Variants in INSL6 observed in about 807,000 individuals in gnomAD.
INSL6 encodes insulin-like peptide INSL6.
A neutral mutation model predicts 9.4 loss-of-function variants in INSL6; 16 were observed. The observed-to-expected ratio is 1.70, with a 90% confidence interval of 1.15 to 2.59. The LOEUF (loss-of-function observed/expected upper bound fraction) is 2.59, where lower values mean the gene tolerates loss of function less well. Among genes scored for constraint, INSL6 ranks in the 30% most tolerant of loss-of-function variants. The probability of loss-of-function intolerance (pLI) is 0.00; values close to 1 mark genes in which losing one functional copy is unlikely to be tolerated. For missense variants in INSL6, 391 were observed against 257.3 expected, an observed-to-expected ratio of 1.52 and a Z score of -3.56; for synonymous variants, 154 against 96.9, an observed-to-expected ratio of 1.59 and a Z score of -3.46.
chr9:5,161,856 G>T (rs1008916576), downstream of INSL6, among the ~76,000 whole-genome samples: 4 of 151,944 alleles, frequency 2.6e-5, no homozygotes, highest in Non-Finnish European at 4.4e-5. Context: ...AAGGTGGGAG[G>T]ATCACTTGAG....
chr9:5,046,320 A>G, the INSL6 span, among the ~76,000 whole-genome samples: 1 of 152,184 alleles, frequency 6.6e-6, no homozygotes, highest in African/African-American at 2.4e-5. Context: ...TCCTTATAAG[A>G]TACATGATTT....
At chr9:5,142,710 C>A (rs1242040639) in intron 2 of INSL6, among the ~76,000 whole-genome samples, 3 of 152,186 alleles carry the variant, frequency 2.0e-5, no homozygotes, top group East Asian at 1.9e-4. Flanking sequence ...TGCCTGATCA[C>A]CCTGGCCAGA....
At chr9:5,155,999 T>C (rs1360480343) in intron 2 of INSL6, among the ~76,000 whole-genome samples, 1 of 152,042 alleles carries the variant, frequency 6.6e-6, no homozygotes. Context: ...AACCACACAT[T>C]ATCAAAATCA....
At chr9:5,050,888 C>T in the INSL6 span, 17 of 1,428,570 alleles carry the variant, frequency 1.2e-5, no homozygotes, top group South Asian at 3.6e-5. Context: ...TTATATAATT[C>T]GTATATATTT....
At chr9:5,082,327 C>A in the INSL6 span, among the ~76,000 whole-genome samples, 1 of 152,186 alleles carries the variant, frequency 6.6e-6, no homozygotes, top group Non-Finnish European at 1.5e-5. Flanking sequence ...CAAATAAGTT[C>A]AAGGGAAGGT....
the INSL6 span, among the ~76,000 whole-genome samples, chr9:5,026,674 C>G: frequency 6.6e-6 from 1 of 152,038 alleles, no homozygotes; most frequent in African/African-American, 2.4e-5. Context: ...CTTCTAAAGA[C>G]TTGTTTTGAG....
At chr9:5,042,162 G>A in the INSL6 span, among the ~76,000 whole-genome samples, 1 of 129,340 alleles carries the variant, frequency 7.7e-6, no homozygotes, top group African/African-American at 3.0e-5. Context: ...ACGGAGTCTC[G>A]CTTTGTCGCC....
At chr9:5,044,356 T>C in the INSL6 span, 1 of 1,159,200 alleles carries the variant, frequency 8.6e-7, no homozygotes, top group Non-Finnish European at 1.3e-6. Context: ...AGTACGTTTG[T>C]ATTTGAACTA....
chr9:5,106,175 A>G, the INSL6 span, among the ~76,000 whole-genome samples: 1 of 152,236 alleles, frequency 6.6e-6, no homozygotes, highest in African/African-American at 2.4e-5. Context: ...ACAAAGGGCT[A>G]ATATCCAAAA....
the INSL6 span, among the ~76,000 whole-genome samples, chr9:5,072,972 CA>C: frequency 6.6e-6 from 1 of 152,056 alleles, no homozygotes; most frequent in African/African-American, 2.4e-5. Flanking sequence ...AACAAAAAAC[CA>C]AGTTTCAAAG....
At chr9:5,142,703 C>T (rs1249465509) in intron 2 of INSL6, among the ~76,000 whole-genome samples, 2 of 152,072 alleles carry the variant, frequency 1.3e-5, no homozygotes, top group Non-Finnish European at 2.9e-5. Flanking sequence ...TTTTTCTTGC[C>T]TGATCACCCT....
At chr9:5,153,087 G>T (rs1824743085) in intron 2 of INSL6, among the ~76,000 whole-genome samples, 1 of 151,942 alleles carries the variant, frequency 6.6e-6, no homozygotes, top group Admixed American at 6.5e-5. Flanking sequence ...CCAGGGCCCA[G>T]GGTTTCCAGC....
the INSL6 span, among the ~76,000 whole-genome samples, chr9:5,049,414 G>T: frequency 6.6e-6 from 1 of 152,148 alleles, no homozygotes; most frequent in Non-Finnish European, 1.5e-5. Flanking sequence ...TGGTGCTTTT[G>T]TGTGTGTGTC....
At chr9:5,150,462 C>G (rs1025440958) in intron 2 of INSL6, among the ~76,000 whole-genome samples, 5 of 151,982 alleles carry the variant, frequency 3.3e-5, no homozygotes, top group African/African-American at 1.2e-4. Context: ...GGTCAATACG[C>G]ATATGAAAAA....
chr9:5,080,350 T>G, the INSL6 span: 3 of 1,613,668 alleles, frequency 1.9e-6, no homozygotes, highest in Non-Finnish European at 2.5e-6. Context: ...GTGGAGGAGA[T>G]AAACCTCTAA....
intron 1 of INSL6, among the ~76,000 whole-genome samples, chr9:5,182,359 A>G (rs1825476455): frequency 1.3e-5 from 2 of 152,166 alleles, no homozygotes. Flanking sequence ...AACAAAAAAT[A>G]TATAATAAAC....
At chr9:5,184,753 C>G (rs527637418) in intron 1 of INSL6, among the ~76,000 whole-genome samples, 4 of 152,166 alleles carry the variant, frequency 2.6e-5, no homozygotes, top group African/African-American at 9.7e-5. Flanking sequence ...GGAGAACGGA[C>G]CAGGCCTATC....
chr9:5,159,223 G>C (rs1235051548), downstream of INSL6, among the ~76,000 whole-genome samples: 2 of 151,958 alleles, frequency 1.3e-5, no homozygotes, highest in Non-Finnish European at 2.9e-5. Flanking sequence ...CAGGAAGAAA[G>C]AAAAGGCAGA....
the INSL6 span, among the ~76,000 whole-genome samples, chr9:5,061,688 A>G: frequency 3.3e-5 from 5 of 152,198 alleles, no homozygotes; most frequent in African/African-American, 7.2e-5. Flanking sequence ...TCACTTTCTT[A>G]TAATTTATGT....
Sources: allele counts gnomAD v4.1 joint callset (sites outside exome capture counted in the v4.1 genomes callset), GRCh38; gene constraint gnomAD v4.1.1; transcripts MANE v1.5; gene names NCBI Gene and HGNC (gene_info 2026-07-23, HGNC 2026-07-21).